CFAP46: variants seen among roughly 807,000 people sequenced by gnomAD.
CFAP46 encodes cilia and flagella associated protein 46, also known as cilia- and flagella-associated protein 46.
In CFAP46, 245 loss-of-function variants were observed where a neutral mutation model predicts 325.7. The ratio of observed to expected loss-of-function variants is 0.75; its 90% CI spans 0.68 to 0.84. The LOEUF (loss-of-function observed/expected upper bound fraction) is 0.84, where lower values mean the gene tolerates loss of function less well. Ranked by LOEUF, CFAP46 falls within the 40% of genes least tolerant of loss-of-function variation. The pLI is 0.00. For missense variants in CFAP46, 3,346 were observed against 3,543.0 expected (o/e 0.94, Z 1.41); for synonymous variants, 1,523 against 1,495.9 (o/e 1.02, Z -0.42).
intron 4 of CFAP46, 152 bp from the exon 5 acceptor site, chr10:132,938,905 G>A: frequency 1.5e-6 from 1 of 670,018 alleles, no homozygotes; most frequent in Non-Finnish European, 2.5e-6. Flanking sequence ...GAGAAGCTTT[G>A]GCCCAGCCTG....
intron 57 of CFAP46, 122 bp downstream of exon 57, chr10:132,810,287 C>A: frequency 1.2e-6 from 1 of 838,260 alleles, no homozygotes; most frequent in East Asian, 2.4e-5. Context: ...GTCTGGAGTC[C>A]CAGGTCCCCC....
chr10:132,936,587 C>G (rs1361969877), intron 7 of CFAP46, among the ~76,000 whole-genome samples: 1 of 150,208 alleles, frequency 6.7e-6, no homozygotes, highest in Admixed American at 6.6e-5. Flanking sequence ...CCTCTGCCCC[C>G]AAATACACTG....
intron 25 of CFAP46, among the ~76,000 whole-genome samples, chr10:132,887,882 CTCTCCTCTCTCCTCT>C (rs1849184252): frequency 1.2e-5 from 1 of 86,040 alleles, no homozygotes; most frequent in Non-Finnish European, 2.3e-5. Context: ...CTTCTCTCTC[CTCTCCTCTCTCCTCT>C]TCTCTCCTCT....
At chr10:132,822,511 CTGA>C (rs374718260) in intron 50 of CFAP46, among the ~76,000 whole-genome samples, 4,095 of 92,562 alleles carry the variant, frequency 0.044, 100 homozygotes, top group Middle Eastern at 0.074. Context: ...GTGCTGTGTG[CTGA>C]TGTGTGCTGA....
intron 32 of CFAP46, among the ~76,000 whole-genome samples, chr10:132,872,340 A>G (rs1216614693): frequency 1.3e-5 from 2 of 152,138 alleles, no homozygotes; most frequent in Non-Finnish European, 2.9e-5. Context: ...TGCAGCCTCC[A>G]TTTCTTAGGC....
At chr10:132,904,182 G>C (rs1849425596) in intron 22 of CFAP46, among the ~76,000 whole-genome samples, 1 of 152,218 alleles carries the variant, frequency 6.6e-6, no homozygotes, top group African/African-American at 2.4e-5. Context: ...CTCTTACAAA[G>C]GCTGGTCGTC....
At chr10:132,920,777 C>T (rs901902980) in intron 13 of CFAP46, among the ~76,000 whole-genome samples, 4 of 152,216 alleles carry the variant, frequency 2.6e-5, no homozygotes, top group African/African-American at 7.2e-5. Flanking sequence ...GAGCCCGTGC[C>T]GCCCTCACTG....
At chr10:132,851,371 A>G (rs7913626) in intron 39 of CFAP46, 66 bp from the exon 40 acceptor site, 934,660 of 1,488,578 alleles carry the variant, frequency 0.63, 297,472 homozygotes, top group African/African-American at 0.85. Context: ...ACATCCCCAC[A>G]ACTTGGATGA....
chr10:132,823,695 G>A (rs1379524698), intron 50 of CFAP46, among the ~76,000 whole-genome samples: 2 of 131,018 alleles, frequency 1.5e-5, no homozygotes, highest in Admixed American at 1.5e-4. Flanking sequence ...GATGTGTGCT[G>A]ATGTGTGCTG....
In CFAP46 at chr10:132,942,567, G is replaced by C. The variant is rs780311638; in HGVS notation, c.-83C>G. 8.6e-7 allele frequency: 1 copy of C among 1,161,702 alleles called. No homozygotes were observed. Among genetic ancestry groups the C allele is most frequent in the Admixed American group, 4.2e-5 (1 of 23,566 alleles). 72.0% of individuals were successfully genotyped at this position (1,161,702 alleles called of 1,614,324 possible). A position where few individuals can be genotyped will look rare whatever the true frequency, so the allele number is the denominator to read the frequency against. ...ACTGTCGGTTGGGTTCTCCAGCCGC[G>C]AGGACCCGGCCACGGTTGCCTGGAG... On this transcript the variant is annotated 5_prime_UTR_variant, in exon 1 of 58. Coordinates refer to ENST00000368586, the MANE Select transcript of CFAP46 (RefSeq NM_001200049.3).
intron 8 of CFAP46, among the ~76,000 whole-genome samples, chr10:132,933,626 G>A (rs986193571): frequency 1.3e-5 from 2 of 152,228 alleles, no homozygotes; most frequent in Non-Finnish European, 2.9e-5. Flanking sequence ...CCAGGCTGTG[G>A]CCCAGCAGCC....
intron 7 of CFAP46, among the ~76,000 whole-genome samples, chr10:132,935,560 G>A (rs1265368095): frequency 1.6e-5 from 2 of 127,114 alleles, no homozygotes; most frequent in Non-Finnish European, 3.2e-5. Flanking sequence ...CAAACACACT[G>A]CGATCTTCTC....
chr10:132,924,162 A>G (rs888410632), intron 11 of CFAP46, among the ~76,000 whole-genome samples: 20 of 151,784 alleles, frequency 1.3e-4, no homozygotes, highest in Admixed American at 3.3e-4. Flanking sequence ...CCTCACCCCC[A>G]GTACCTGTCT....
Position 132,808,996 on chromosome 10 carries a change from C to T in CFAP46, c.7665-92G>A. On this transcript the variant is annotated intron_variant, in intron 57 of 57. Coordinates refer to ENST00000368586, the MANE Select transcript of CFAP46 (RefSeq NM_001200049.3). The surrounding 1 kb of genome is among the most constrained non-coding windows in gnomAD (Gnocchi z 6.8). The stretch of plus-strand genomic sequence containing the variant: ...AGGGCACAGGGGCGGGAAGTGGCAG[C>T]TGCTCCAACTGAGGGCGCTCTGGGG... The T allele has an allele frequency of 7.6e-7, 1 of 1,311,408 alleles. No homozygotes were observed. Among genetic ancestry groups the T allele is most frequent in the Non-Finnish European group, 1.0e-6 (1 of 971,594 alleles). The allele number at this position is 1,311,408 out of a possible 1,614,324, so 81.2% of individuals were successfully genotyped here.
intron 10 of CFAP46, 42 bp from the exon 11 acceptor site, chr10:132,924,928 C>T (rs1269291577): frequency 1.5e-6 from 2 of 1,355,176 alleles, no homozygotes; most frequent in Non-Finnish European, 1.9e-6. Flanking sequence ...GTTGCTGGCT[C>T]GAGCTGCGGG....
At chr10:132,834,171 C>T (rs759436834) in intron 48 of CFAP46, 48 bp from the exon 49 acceptor site, 43 of 1,570,302 alleles carry the variant, frequency 2.7e-5, no homozygotes, top group African/African-American at 1.9e-4. Context: ...AGATAACAAA[C>T]GCTTGGAATA....
rs1564800800 is a variant in CFAP46, at chr10:132,919,278, G to A, written c.1858+37C>T. 6.5e-7 allele frequency: 1 copy of A among 1,529,326 alleles called. No homozygotes were observed. The highest frequency in any genetic ancestry group is 8.8e-7 in the Non-Finnish European group (1 of 1,134,244). 94.7% of individuals were successfully genotyped at this position (1,529,326 alleles called of 1,614,324 possible). A position where few individuals can be genotyped will look rare whatever the true frequency, so the allele number is the denominator to read the frequency against. ...TTCCCACACCCAGAGGGCGGCCGTG[G>A]CCAGGCTGGGACACACTCGTGAGGG... On this transcript the variant is annotated intron_variant, in intron 15 of 57. Transcript: ENST00000368586. The surrounding 1 kb of genome is among the most constrained non-coding windows in gnomAD (Gnocchi z 9.7).
chr10:132,840,830 T>G (rs1012480747), intron 44 of CFAP46, among the ~76,000 whole-genome samples: 1 of 152,220 alleles, frequency 6.6e-6, no homozygotes, highest in African/African-American at 2.4e-5. Context: ...ACTGGGGATC[T>G]CTGCTGTGGC....
rs146142222 is a variant in CFAP46, at chr10:132,877,263, T to C, written c.4213-302A>G. ...GCGTCTCCCCTCAGTGACAGCTGGC[T>C]GGTGAGCTCAGCAGTGCTCGTGCTG... On this transcript the variant is annotated intron_variant, in intron 30 of 57. Transcript: ENST00000368586. The surrounding 1 kb of genome is among the most constrained non-coding windows in gnomAD (Gnocchi z 5.7). 9.9e-3 allele frequency among the ~76,000 whole-genome samples: 1,503 copies of C among 152,228 alleles called. 15 individuals are homozygous for C. The highest frequency in any genetic ancestry group is 0.043 in the South Asian group (208 of 4,800).
Sources: allele counts gnomAD v4.1 joint callset (sites outside exome capture counted in the v4.1 genomes callset), GRCh38; gene constraint gnomAD v4.1.1; non-coding constraint Gnocchi (gnomAD v3.1); transcripts MANE v1.5; gene names NCBI Gene and HGNC (gene_info 2026-07-23, HGNC 2026-07-21).